The following PRDM4 variants were observed in gnomAD, a reference collection of about 807,000 sequenced individuals.
PRDM4 encodes the protein PR domain zinc finger protein 4.
A neutral mutation model predicts 62.3 loss-of-function variants in PRDM4; 38 were observed. That is an observed-to-expected ratio of 0.61 (90% confidence interval 0.47 to 0.80). The LOEUF is 0.80. Ranked by LOEUF, PRDM4 falls within the 30% of genes least tolerant of loss-of-function variation. The pLI is 0.00. For missense variants in PRDM4, 858 were observed against 997.1 expected (o/e 0.86, Z 1.88); for synonymous variants, 339 against 348.2 (o/e 0.97, Z 0.30).
intron 7 of PRDM4, among the ~76,000 whole-genome samples, chr12:107,744,133 A>C (rs1890612264): frequency 6.6e-6 from 1 of 152,126 alleles, no homozygotes; most frequent in African/African-American, 2.4e-5. Context: ...AAAAAAAGAA[A>C]ACTAGAAAAA....
intron 11 of PRDM4, among the ~76,000 whole-genome samples, chr12:107,735,661 G>C (rs971175572): frequency 1.3e-5 from 2 of 151,630 alleles, no homozygotes; most frequent in African/African-American, 2.4e-5. Flanking sequence ...AAATTAACCC[G>C]GTCAAAATGT....
At chr12:107,737,281 C>T (rs1167818713) in intron 11 of PRDM4, among the ~76,000 whole-genome samples, 1 of 152,224 alleles carries the variant, frequency 6.6e-6, no homozygotes, top group East Asian at 1.9e-4. Flanking sequence ...ACTATATCCA[C>T]TTTGAAATGC....
chr12:107,736,153 TG>T (rs1890322578), intron 11 of PRDM4, among the ~76,000 whole-genome samples: 1 of 152,248 alleles, frequency 6.6e-6, no homozygotes, highest in African/African-American at 2.4e-5. Context: ...TGCCAGGCAC[TG>T]TTCTAGATGC....
intron 4 of PRDM4, among the ~76,000 whole-genome samples, chr12:107,753,227 TA>T (rs1246821565): frequency 1.3e-5 from 2 of 151,700 alleles, no homozygotes; most frequent in Admixed American, 6.6e-5. Context: ...AAGTTATTTA[TA>T]AAAAAGAAAT....
chr12:107,754,525 G>A (rs1891003258), intron 3 of PRDM4, among the ~76,000 whole-genome samples: 6 of 152,016 alleles, frequency 3.9e-5, no homozygotes, highest in Admixed American at 3.3e-4. Context: ...TGGGATTACA[G>A]GCACACACCA....
intron 10 of PRDM4, among the ~76,000 whole-genome samples, chr12:107,740,354 G>A (rs900653348): frequency 6.6e-6 from 1 of 152,048 alleles, no homozygotes; most frequent in Non-Finnish European, 1.5e-5. Context: ...AGGTGTGGTG[G>A]CGCATGTCTG....
Position 107,752,320 on chromosome 12 carries a change from C to A in PRDM4, c.332-111G>T. On this transcript the variant is annotated intron_variant, in intron 4 of 11. Coordinates refer to ENST00000228437, the MANE Select transcript of PRDM4 (RefSeq NM_012406.4). ...ATAACTAAGTTCAAATAATCTCCTG[C>A]TTCTTTAATTTAATCGATACACACT... 3 of 779,782 alleles carry A rather than the reference C, an allele frequency of 3.8e-6. No homozygotes were observed. In the South Asian group the frequency reaches 5.5e-5, roughly 14 times the overall value. The allele number at this position is 779,782 out of a possible 1,614,324, so 48.3% of individuals were successfully genotyped here.
intron 10 of PRDM4, 41 bp from the exon 11 acceptor site, chr12:107,739,592 T>G (rs756218621): frequency 1.3e-6 from 2 of 1,583,944 alleles, no homozygotes; most frequent in East Asian, 2.2e-5. Flanking sequence ...AGAAAACAAC[T>G]GCTGGCATCC....
chr12:107,735,483 A>G (rs1566090672), intron 11 of PRDM4, among the ~76,000 whole-genome samples: 1 of 151,886 alleles, frequency 6.6e-6, no homozygotes, highest in Non-Finnish European at 1.5e-5. Context: ...CTTTTCTTAG[A>G]CTAGTGGTTC....
In PRDM4 at chr12:107,744,561, T is replaced by TAAC; in HGVS notation, c.1376_1377insGTT (p.Ala459_Val460insLeu). On this transcript the variant is annotated inframe_insertion, in exon 7 of 12. Transcript: ENST00000228437. ...GACTGACCTTCCAGATATGGTTAAC[T>TAAC]GCCTTGTCTGTCCATTCTGCTACTT... 1 of 1,613,688 alleles carries TAAC rather than the reference T, an allele frequency of 6.2e-7. No individual in the cohort carries two copies. The highest frequency in any genetic ancestry group is 1.1e-5 in the South Asian group (1 of 91,068).
rs774494457 is a variant in PRDM4 at position 107,744,590 on chromosome 12, T to C, written c.1348A>G (p.Met450Val). 4.3e-6 allele frequency: 7 copies of C among 1,613,758 alleles called. No individual in the cohort carries two copies. The South Asian group carries it at 6.6e-5, about 15-fold the overall frequency. ...TTGTCTGTCCATTCTGCTACTTCCA[T>C]GGAGTGACTCTGCTGGCCAATTAGA... ...GPLIGQQSHS[M>V]EVAEWTDKAV... Residue 450 changes from methionine (M) to valine (V), a missense_variant, in exon 7 of 12, where the codon ATG becomes GTG. By Grantham distance (21) the Met-to-Val change is conservative. This residue lies in a region of PRDM4 where 4 missense variants were observed against 17.8 expected (regional missense o/e 0.23). Coordinates refer to ENST00000228437, the MANE Select transcript of PRDM4 (RefSeq NM_012406.4).
At chr12:107,748,996 T>C (rs1328902069) in intron 5 of PRDM4, among the ~76,000 whole-genome samples, 2 of 152,200 alleles carry the variant, frequency 1.3e-5, no homozygotes, top group African/African-American at 4.8e-5. Flanking sequence ...CTTTAAAAGG[T>C]TAAAACTAGT....
intron 11 of PRDM4, 52 bp from the exon 12 acceptor site, chr12:107,734,574 G>C: frequency 6.6e-7 from 1 of 1,520,058 alleles, no homozygotes; most frequent in Non-Finnish European, 9.0e-7. Flanking sequence ...AATAACAACT[G>C]AGGCAACACT....
chr12:107,737,154 G>A (rs371467704), intron 11 of PRDM4, among the ~76,000 whole-genome samples: 50 of 151,966 alleles, frequency 3.3e-4, no homozygotes, highest in African/African-American at 1.1e-3. Flanking sequence ...GGCAAAGCCA[G>A]GTTCTGTCAC....
At chr12:107,742,498 A>G (rs1890550236) in intron 8 of PRDM4, 150 bp from the exon 9 acceptor site, 1 of 852,974 alleles carries the variant, frequency 1.2e-6, no homozygotes, top group South Asian at 1.6e-5. Context: ...CGTCCTATCT[A>G]TGAGAAGGCA....
At chr12:107,747,202 T>A (rs908031479) in intron 5 of PRDM4, among the ~76,000 whole-genome samples, 1 of 152,120 alleles carries the variant, frequency 6.6e-6, no homozygotes, top group African/African-American at 2.4e-5. Context: ...TTACATTAAG[T>A]AGATCGTACA....
In PRDM4 at chr12:107,734,386, G is replaced by A. The variant is rs777332636; in HGVS notation, c.2230C>T (p.His744Tyr). The A allele has an allele frequency of 9.3e-6, 15 of 1,613,986 alleles. No individual in the cohort carries two copies. In the South Asian group the frequency reaches 1.6e-4, roughly 18 times the overall value. Residue 744 changes from histidine to tyrosine, a missense_variant, in exon 12 of 12, where the codon CAT (histidine) becomes TAT (tyrosine). His to Tyr is a moderately conservative substitution (Grantham distance 83). Transcript: ENST00000228437. ...KCTKAYLTKYHLTRHLKTCKG... is the reference protein window; with the variant it reads ...KCTKAYLTKYYLTRHLKTCKG... ...CAGGTTTTCAGGTGGCGGGTGAGAT[G>A]GTATTTGGTTAGATAAGCCTTTGTA...
intron 3 of PRDM4, among the ~76,000 whole-genome samples, 165 bp downstream of exon 3, chr12:107,756,667 A>G (rs1367225102): frequency 2.6e-5 from 4 of 151,970 alleles, no homozygotes; most frequent in African/African-American, 9.7e-5. Context: ...CTCTACAAAA[A>G]CCTTATTTTC....
rs768726652 is a variant in PRDM4, at chr12:107,737,689, C to T, written c.2093+1694G>A. 3.8e-4 allele frequency among the ~76,000 whole-genome samples: 58 copies of T among 152,304 alleles called. 1 individual carries two copies. Among genetic ancestry groups the T allele is most frequent in the East Asian group, 7.7e-4 (4 of 5,192 alleles). ...AGTAGTCCTTAACCCTGGCTGGCCA[C>T]GAGAATCACTTGGGGAGCTTTTTAA... On this transcript the variant is annotated intron_variant, in intron 11 of 11. Transcript: ENST00000228437.
Sources: allele counts gnomAD v4.1 joint callset (sites outside exome capture counted in the v4.1 genomes callset), GRCh38; gene constraint gnomAD v4.1.1; regional missense constraint gnomAD v4.1.1; transcripts MANE v1.5; gene names NCBI Gene and HGNC (gene_info 2026-07-23, HGNC 2026-07-21).